The following AUH variants were observed in gnomAD, a reference collection of about 807,000 sequenced individuals.
The protein encoded by AUH is AU RNA binding methylglutaconyl-CoA hydratase, also known as methylglutaconyl-CoA hydratase, mitochondrial.
Under a neutral mutation model 42.3 loss-of-function variants are expected in AUH, and 29 were observed. The ratio of observed to expected loss-of-function variants is 0.69; its 90% CI spans 0.51 to 0.93. The LOEUF (loss-of-function observed/expected upper bound fraction) is 0.93, where lower values mean the gene tolerates loss of function less well. AUH is among the 40% of genes least tolerant of loss of function. The probability of loss-of-function intolerance (pLI) is 0.00; values close to 1 mark genes in which losing one functional copy is unlikely to be tolerated. For missense variants in AUH, 452 were observed against 438.1 expected (o/e 1.03, Z -0.28); for synonymous variants, 174 against 166.4 (o/e 1.05, Z -0.35).
chr9:91,289,784 T>G (rs1826709101), intron 6 of AUH, among the ~76,000 whole-genome samples: 1 of 152,192 alleles, frequency 6.6e-6, no homozygotes, highest in Non-Finnish European at 1.5e-5. Flanking sequence ...CTTCTGTGGA[T>G]GGAGCAGAAG....
intron 6 of AUH, among the ~76,000 whole-genome samples, chr9:91,277,866 C>CT (rs1190467180): frequency 2.0e-5 from 3 of 151,968 alleles, no homozygotes; most frequent in Non-Finnish European, 4.4e-5. Flanking sequence ...AGCAATATTA[C>CT]TTTTGTCTTT....
intron 7 of AUH, chr9:91,218,435 C>G (rs937459724): frequency 4.8e-5 from 9 of 188,400 alleles, no homozygotes; most frequent in African/African-American, 2.1e-4. Flanking sequence ...GTCAACTGAC[C>G]AAGAAAAGGT....
At chr9:91,342,397 G>A (rs904048979) in intron 3 of AUH, among the ~76,000 whole-genome samples, 8 of 152,132 alleles carry the variant, frequency 5.3e-5, no homozygotes, top group Non-Finnish European at 1.0e-4. Context: ...TCACATCTGC[G>A]AAGTTCCTGT....
At chr9:91,331,610 G>C (rs996746217) in intron 3 of AUH, among the ~76,000 whole-genome samples, 3 of 151,966 alleles carry the variant, frequency 2.0e-5, no homozygotes, top group East Asian at 3.9e-4. Flanking sequence ...AGTAGACAAC[G>C]CATGGAATTG....
chr9:91,303,335 AT>A (rs372527795), intron 4 of AUH, among the ~76,000 whole-genome samples: 24 of 149,036 alleles, frequency 1.6e-4, no homozygotes, highest in Middle Eastern at 3.4e-3. Flanking sequence ...CAGACGCATG[AT>A]TTTTTTTTTT....
intron 6 of AUH, among the ~76,000 whole-genome samples, chr9:91,266,701 A>G (rs779191146): frequency 6.6e-6 from 1 of 152,238 alleles, no homozygotes; most frequent in Non-Finnish European, 1.5e-5. Flanking sequence ...AGAAAGGTAC[A>G]CCAGGCCTCA....
intron 6 of AUH, chr9:91,294,846 C>A (rs1587796646): frequency 2.3e-6 from 1 of 440,282 alleles, no homozygotes; most frequent in Non-Finnish European, 4.6e-6. Context: ...GAAGAGTAAC[C>A]TGAAGACGTG....
intron 3 of AUH, among the ~76,000 whole-genome samples, chr9:91,347,622 G>T (rs1025900423): frequency 6.6e-6 from 1 of 152,122 alleles, no homozygotes; most frequent in Non-Finnish European, 1.5e-5. Context: ...GGTTTTAAGA[G>T]CTCTGTACCA....
rs76992313 is a variant in AUH at position 91,315,652 on chromosome 9, T to C, written c.505+9666A>G. 3.1e-3 allele frequency among the ~76,000 whole-genome samples: 467 copies of C among 152,338 alleles called. 5 individuals are homozygous for C. Among genetic ancestry groups the C allele is most frequent in the African/African-American group, 0.011 (445 of 41,584 alleles). ...TAAGAAATGTCCACAAGTTTCAAGA[T>C]AGATGAATCTTCTAAAAATTGGTCT... On this transcript the variant is annotated intron_variant, in intron 4 of 9. Coordinates refer to ENST00000375731, the MANE Select transcript of AUH (RefSeq NM_001698.3).
intron 6 of AUH, among the ~76,000 whole-genome samples, chr9:91,266,085 G>A (rs561743189): frequency 4.7e-4 from 71 of 152,220 alleles, no homozygotes; most frequent in African/African-American, 1.7e-3. Flanking sequence ...AGTTACGGCC[G>A]GGCACGGTGG....
chr9:91,351,222 C>T (rs1035605201), intron 3 of AUH, among the ~76,000 whole-genome samples: 5 of 152,120 alleles, frequency 3.3e-5, no homozygotes, highest in East Asian at 1.9e-4. Flanking sequence ...CTGCCTACCT[C>T]GGCCTCCCAA....
intron 6 of AUH, among the ~76,000 whole-genome samples, chr9:91,224,586 C>G (rs554798209): frequency 3.3e-4 from 50 of 152,162 alleles, no homozygotes; most frequent in African/African-American, 1.2e-3. Context: ...ACTTTTAGTT[C>G]TTATGCTATG....
intron 3 of AUH, among the ~76,000 whole-genome samples, chr9:91,348,892 T>C (rs758509703): frequency 6.6e-6 from 1 of 152,212 alleles, no homozygotes; most frequent in African/African-American, 2.4e-5. Context: ...TTCCAAGTAA[T>C]TCATACCTAA....
At chr9:91,225,142 G>C (rs1827363683) in intron 6 of AUH, among the ~76,000 whole-genome samples, 1 of 152,132 alleles carries the variant, frequency 6.6e-6, no homozygotes, top group South Asian at 2.1e-4. Context: ...CAGTATTCTT[G>C]CTGGTTAAGG....
At chr9:91,347,837 A>C (rs551396765) in intron 3 of AUH, among the ~76,000 whole-genome samples, 3 of 152,254 alleles carry the variant, frequency 2.0e-5, no homozygotes, top group Admixed American at 2.0e-4. Context: ...AAAAAAAATG[A>C]TAAATCAGTC....
At chr9:91,225,058 C>T (rs981828733) in intron 6 of AUH, among the ~76,000 whole-genome samples, 2 of 152,154 alleles carry the variant, frequency 1.3e-5, no homozygotes, top group African/African-American at 4.8e-5. Context: ...ACTTTTTATG[C>T]CAACATTCTT....
rs1829905662 is a variant in AUH at position 91,325,467 on chromosome 9, G to A, written c.419-63C>T. 2.2e-6 allele frequency: 3 copies of A among 1,382,728 alleles called. No homozygotes were observed. In the East Asian group the frequency reaches 6.9e-5, roughly 32 times the overall value. The allele number at this position is 1,382,728 out of a possible 1,614,324, so 85.7% of individuals were successfully genotyped here. ...AAACAAAATTTTAAGGCAAAGAATT[G>A]AAAATTTACTTAAGATTAGTATACA... On this transcript the variant is annotated intron_variant, in intron 3 of 9. Coordinates refer to ENST00000375731, the MANE Select transcript of AUH (RefSeq NM_001698.3).
intron 4 of AUH, among the ~76,000 whole-genome samples, chr9:91,307,271 G>T (rs1003706140): frequency 3.3e-5 from 5 of 152,120 alleles, no homozygotes; most frequent in Admixed American, 6.5e-5. Context: ...AGAATTATAT[G>T]ATCTAATTGA....
At chr9:91,241,372 GTTAT>G (rs1828505206) in intron 6 of AUH, among the ~76,000 whole-genome samples, 1 of 151,858 alleles carries the variant, frequency 6.6e-6, no homozygotes, top group African/African-American at 2.4e-5. Flanking sequence ...CTAATCCCTA[GTTAT>G]TTATATAGAC....
Sources: allele counts gnomAD v4.1 joint callset (sites outside exome capture counted in the v4.1 genomes callset), GRCh38; gene constraint gnomAD v4.1.1; transcripts MANE v1.5; gene names NCBI Gene and HGNC (gene_info 2026-07-23, HGNC 2026-07-21).